CPPED1: variants seen among roughly 807,000 people sequenced by gnomAD.
CPPED1 encodes the protein serine/threonine-protein phosphatase CPPED1.
Under a neutral mutation model 28.0 loss-of-function variants are expected in CPPED1, and 28 were observed. That is an observed-to-expected ratio of 1.00 (90% CI 0.74 to 1.37). The LOEUF (loss-of-function observed/expected upper bound fraction) is 1.37. Ranked by LOEUF, CPPED1 falls within the 40% of genes most tolerant of loss-of-function variation. The pLI is 0.00. For synonymous variants in CPPED1, 198 were observed against 180.2 expected (o/e 1.10, Z -0.79); for missense variants, 504 against 416.5 (o/e 1.21, Z -1.83).
chr16:12,780,732 TA>T (rs11321645), intron 2 of CPPED1, among the ~76,000 whole-genome samples: 92,711 of 140,248 alleles, frequency 0.66, 30,182 homozygotes, highest in South Asian at 0.74. Context: ...ACACATACCT[TA>T]AAAAAAAAAA....
At chr16:12,790,915 T>C (rs1402164904) in intron 1 of CPPED1, among the ~76,000 whole-genome samples, 1 of 113,188 alleles carries the variant, frequency 8.8e-6, no homozygotes, top group South Asian at 2.9e-4. Flanking sequence ...CAAGACTCTA[T>C]CTCAAAAAAA....
intron 2 of CPPED1, among the ~76,000 whole-genome samples, chr16:12,743,681 A>G (rs4781330): frequency 0.57 from 86,133 of 152,032 alleles, 24,578 homozygotes; most frequent in Admixed American, 0.62. Context: ...AATGCAGAGA[A>G]ATGGAAATCC....
chr16:12,736,386 C>T (rs1484284168), intron 2 of CPPED1, among the ~76,000 whole-genome samples: 1 of 151,978 alleles, frequency 6.6e-6, no homozygotes, highest in African/African-American at 2.4e-5. Flanking sequence ...ATTACAGGCA[C>T]ATACCACCAT....
chr16:12,778,393 AG>A lies in CPPED1; in HGVS notation c.289+2791del, dbSNP rs529776776. 2.8e-3 allele frequency among the ~76,000 whole-genome samples: 408 copies of A among 147,198 alleles called. 2 individuals carry two copies. Among genetic ancestry groups the A allele is most frequent in the African/African-American group, 9.6e-3 (382 of 39,610 alleles). ...TGGGTTCAAGCGATTCTCCTGCCTCAGCCCCCCAGAGTAGCTGGGATCACAG... is the reference window on the plus strand; with the variant it reads ...TGGGTTCAAGCGATTCTCCTGCCTCACCCCCCAGAGTAGCTGGGATCACAG... On this transcript the variant is annotated intron_variant, in intron 2 of 3. Coordinates refer to ENST00000381774, the MANE Select transcript of CPPED1 (RefSeq NM_018340.3).
At chr16:12,744,304 G>A (rs1217126694) in intron 2 of CPPED1, among the ~76,000 whole-genome samples, 23 of 150,542 alleles carry the variant, frequency 1.5e-4, no homozygotes, top group Non-Finnish European at 2.2e-4. Flanking sequence ...GAGAAAGCAA[G>A]CAAGCAAGCA....
In CPPED1 at chr16:12,670,947, T is replaced by C. The variant is rs2079850129; in HGVS notation, c.716-5832A>G. On this transcript the variant is annotated intron_variant, in intron 3 of 3. Coordinates refer to ENST00000381774, the MANE Select transcript of CPPED1 (RefSeq NM_018340.3). This position sits in a 1 kb window ranked among gnomAD's most constrained non-coding sequence, Gnocchi z 4.2. ...CTCACTGCAAACTCCGCCTCCCGGG[T>C]TCAAGTGATTCTCCTGCCTCAGCCT... Among the ~76,000 whole-genome samples the C allele has an allele frequency of 6.6e-6, 1 of 151,980 alleles. No homozygotes were observed.
intron 2 of CPPED1, among the ~76,000 whole-genome samples, chr16:12,710,477 G>C (rs946543823): frequency 6.6e-6 from 1 of 150,908 alleles, no homozygotes; most frequent in Admixed American, 6.6e-5. Flanking sequence ...AGGAGGGGGG[G>C]AACAGACAAA....
At chr16:12,695,824 T>A (rs2079986906) in intron 3 of CPPED1, among the ~76,000 whole-genome samples, 1 of 152,232 alleles carries the variant, frequency 6.6e-6, no homozygotes, top group African/African-American at 2.4e-5. Context: ...TTTCTGAGCC[T>A]CTATTCTGGT....
chr16:12,769,351 T>C (rs1410290867), intron 2 of CPPED1, among the ~76,000 whole-genome samples: 1 of 152,108 alleles, frequency 6.6e-6, no homozygotes, highest in Non-Finnish European at 1.5e-5. Context: ...TTTAGAAATA[T>C]TATTCTGAGA....
chr16:12,801,350 C>G (rs1000385804), intron 1 of CPPED1, among the ~76,000 whole-genome samples: 1 of 152,194 alleles, frequency 6.6e-6, no homozygotes, highest in Non-Finnish European at 1.5e-5. Flanking sequence ...GCCTCAGTCT[C>G]CCAAAGTGCT....
At chr16:12,714,844 C>T (rs776129983) in intron 2 of CPPED1, among the ~76,000 whole-genome samples, 2 of 152,126 alleles carry the variant, frequency 1.3e-5, no homozygotes, top group East Asian at 1.9e-4. Context: ...GTGCTTTTAG[C>T]GTTATATCTA....
intron 2 of CPPED1, among the ~76,000 whole-genome samples, chr16:12,717,892 T>A (rs1216705648): frequency 2.0e-5 from 3 of 152,080 alleles, no homozygotes; most frequent in African/African-American, 7.2e-5. Flanking sequence ...TCTGCTCACC[T>A]CCGCCTCTCA....
chr16:12,726,587 C>T (rs1360149654), intron 2 of CPPED1, among the ~76,000 whole-genome samples: 2 of 152,074 alleles, frequency 1.3e-5, no homozygotes, highest in Non-Finnish European at 2.9e-5. Flanking sequence ...AAGTGATCTG[C>T]CCACCTCGGC....
Position 12,709,427 on chromosome 16 carries a change from G to C in CPPED1, c.290-4378C>G, listed in dbSNP as rs1357355562. ...TGACCCCCACGGAGAGGAGCCCTGG[G>C]TGGGAATGGCGAGAGCAGTGTAGAA... is the stretch of plus-strand genomic sequence containing the variant. On this transcript the variant is annotated intron_variant, in intron 2 of 3. Coordinates refer to ENST00000381774, the MANE Select transcript of CPPED1 (RefSeq NM_018340.3). The surrounding 1 kb of genome is among the most constrained non-coding windows in gnomAD (Gnocchi z 4.4). Among the ~76,000 whole-genome samples, 1 of 152,140 alleles carries C rather than the reference G, an allele frequency of 6.6e-6. No individual in the cohort carries two copies. The highest frequency in any genetic ancestry group is 1.5e-5 in the Non-Finnish European group (1 of 68,024).
At chr16:12,724,388 T>G (rs1233643665) in intron 2 of CPPED1, among the ~76,000 whole-genome samples, 1 of 152,208 alleles carries the variant, frequency 6.6e-6, no homozygotes, top group African/African-American at 2.4e-5. Flanking sequence ...TACAGCTCAC[T>G]GCCGGGGAAA....
At chr16:12,695,272 C>G (rs973769731) in intron 3 of CPPED1, among the ~76,000 whole-genome samples, 1 of 152,078 alleles carries the variant, frequency 6.6e-6, no homozygotes, top group African/African-American at 2.4e-5. Flanking sequence ...TTTTTATTTA[C>G]TTATTTTTTT....
chr16:12,731,840 CAG>C (rs1427429076), intron 2 of CPPED1, among the ~76,000 whole-genome samples: 2 of 150,550 alleles, frequency 1.3e-5, no homozygotes, highest in African/African-American at 4.9e-5. Context: ...TGGTAAGAAA[CAG>C]AGGCGATATG....
At chr16:12,705,225 C>T (rs1434901377) in intron 2 of CPPED1, among the ~76,000 whole-genome samples, 176 bp from the exon 3 acceptor site, 2 of 152,254 alleles carry the variant, frequency 1.3e-5, no homozygotes, top group Non-Finnish European at 2.9e-5. Context: ...ACAAGTCCGA[C>T]GGGGGCCTCT....
At chr16:12,794,817 G>C (rs565526487) in intron 1 of CPPED1, among the ~76,000 whole-genome samples, 5 of 152,274 alleles carry the variant, frequency 3.3e-5, no homozygotes, top group African/African-American at 1.2e-4. Flanking sequence ...CAGTTTTTGA[G>C]ACACACAAAA....
Sources: allele counts gnomAD v4.1 joint callset (sites outside exome capture counted in the v4.1 genomes callset), GRCh38; gene constraint gnomAD v4.1.1; non-coding constraint Gnocchi (gnomAD v3.1); transcripts MANE v1.5; gene names NCBI Gene and HGNC (gene_info 2026-07-23, HGNC 2026-07-21).